The following BLTP1 variants were observed in gnomAD, a reference collection of about 807,000 sequenced individuals.
BLTP1 encodes the protein bridge-like lipid transfer protein family member 1.
the BLTP1 span, among the ~76,000 whole-genome samples, chr4:122,216,158 T>C: frequency 6.6e-6 from 1 of 151,842 alleles, no homozygotes; most frequent in Non-Finnish European, 1.5e-5. Context: ...ACATTTTCTT[T>C]ATCCACTCAT....
chr4:122,154,989 A>G, the BLTP1 span: 1 of 892,994 alleles, frequency 1.1e-6, no homozygotes, highest in Non-Finnish European at 1.3e-6. Flanking sequence ...AGAATAATGG[A>G]AGACATGATC....
the BLTP1 span, chr4:122,240,390 ATT>A: frequency 6.5e-7 from 1 of 1,535,286 alleles, no homozygotes; most frequent in Non-Finnish European, 8.8e-7. Context: ...TGATATCTTG[ATT>A]TAGAAAAACA....
the BLTP1 span, chr4:122,175,748 T>A: frequency 4.2e-6 from 3 of 716,832 alleles, no homozygotes; most frequent in Admixed American, 7.6e-5. Context: ...GGATTTCCTG[T>A]ATTTCCTTGT....
the BLTP1 span, chr4:122,175,930 T>A: frequency 6.1e-6 from 7 of 1,156,076 alleles, no homozygotes; most frequent in Non-Finnish European, 9.1e-6. Flanking sequence ...TTTTCATTTT[T>A]TATGTGTTTA....
At chr4:122,266,645 C>T in the BLTP1 span, 1 of 616,902 alleles carries the variant, frequency 1.6e-6, no homozygotes, top group Non-Finnish European at 2.5e-6. Context: ...TATATGAGAC[C>T]ATTTTTGCTT....
the BLTP1 span, chr4:122,171,646 T>G: frequency 7.4e-4 from 122 of 164,280 alleles, no homozygotes; most frequent in Non-Finnish European, 1.3e-3. Context: ...CACAGGTTTT[T>G]TTTTTTTTTT....
At chr4:122,263,072 T>C in the BLTP1 span, 24 of 1,409,908 alleles carry the variant, frequency 1.7e-5, no homozygotes, top group Admixed American at 4.5e-4. Context: ...ATATATACTT[T>C]GGTAGTACAA....
chr4:122,250,365 G>A, the BLTP1 span: 1 of 1,598,702 alleles, frequency 6.3e-7, no homozygotes, highest in Non-Finnish European at 8.6e-7. Context: ...TTTATAGGAG[G>A]AAGACAGTCT....
At chr4:122,344,900 G>C in the BLTP1 span, 8 of 985,020 alleles carry the variant, frequency 8.1e-6, no homozygotes, top group Admixed American at 6.2e-5. Context: ...AAAACGGGAT[G>C]AGTGATGTTT....
At chr4:122,161,172 A>G in the BLTP1 span, 1 of 970,224 alleles carries the variant, frequency 1.0e-6, no homozygotes. Flanking sequence ...AATCCAGAAG[A>G]CTTTAATATA....
chr4:122,305,380 A>G, the BLTP1 span: 8 of 945,610 alleles, frequency 8.5e-6, no homozygotes, highest in Non-Finnish European at 1.0e-5. Flanking sequence ...AAAAAACAGC[A>G]GTTAGATTCT....
chr4:122,328,478 C>A, the BLTP1 span: 1 of 831,594 alleles, frequency 1.2e-6, no homozygotes, highest in Non-Finnish European at 1.7e-6. Context: ...TTGAGTGAGA[C>A]TAACAGACTC....
At chr4:122,255,569 C>T in the BLTP1 span, among the ~76,000 whole-genome samples, 1 of 152,208 alleles carries the variant, frequency 6.6e-6, no homozygotes, top group East Asian at 1.9e-4. Flanking sequence ...CTGGTTGAAC[C>T]TGGGAGGCAG....
the BLTP1 span, among the ~76,000 whole-genome samples, chr4:122,262,147 T>TC: frequency 1.6e-5 from 2 of 126,600 alleles, no homozygotes; most frequent in South Asian, 2.7e-4. Flanking sequence ...TTACAGATCC[T>TC]TTGTGTGTGT....
the BLTP1 span, chr4:122,274,430 A>G: frequency 6.3e-7 from 1 of 1,599,346 alleles, no homozygotes; most frequent in Non-Finnish European, 8.5e-7. Flanking sequence ...ATTACACCAA[A>G]TATACAGTAA....
the BLTP1 span, among the ~76,000 whole-genome samples, chr4:122,214,848 G>C: frequency 6.6e-6 from 1 of 151,970 alleles, no homozygotes; most frequent in Non-Finnish European, 1.5e-5. Flanking sequence ...CTAGGCTCAA[G>C]TGATCTGCCC....
the BLTP1 span, chr4:122,171,947 G>A: frequency 1.0e-6 from 1 of 984,862 alleles, no homozygotes; most frequent in Non-Finnish European, 1.2e-6. Flanking sequence ...GCAAATGCCT[G>A]TTGCCATTCT....
At chr4:122,301,512 T>C in the BLTP1 span, 1 of 534,500 alleles carries the variant, frequency 1.9e-6, no homozygotes. Flanking sequence ...AAATGATCTA[T>C]AACTCCATCT....
At chr4:122,318,308 C>G in the BLTP1 span, 1 of 1,559,778 alleles carries the variant, frequency 6.4e-7, no homozygotes, top group South Asian at 1.1e-5. Flanking sequence ...GGTGACAAAA[C>G]CACCTGACTT....
Sources: gnomAD v4.1 joint callset for allele counts (sites outside exome capture counted in the v4.1 genomes callset) on GRCh38, gnomAD v4.1.1 for gene constraint, MANE v1.5 for transcripts, NCBI Gene and HGNC (gene_info 2026-07-23, HGNC 2026-07-21) for gene names.